Variants in DYNC1I1 observed in about 807,000 individuals in gnomAD.
DYNC1I1 encodes the protein cytoplasmic dynein 1 intermediate chain 1.
In DYNC1I1, 43 loss-of-function variants were observed where a neutral mutation model predicts 86.6. The ratio of observed to expected loss-of-function variants is 0.50; its 90% CI spans 0.39 to 0.64. The LOEUF (loss-of-function observed/expected upper bound fraction) is 0.64, where lower values mean the gene tolerates loss of function less well. Among genes scored for constraint, DYNC1I1 ranks in the 30% least tolerant of loss-of-function variants. The probability of loss-of-function intolerance (pLI) is 0.00; values close to 1 mark genes in which losing one functional copy is unlikely to be tolerated. For synonymous variants in DYNC1I1, 262 were observed against 283.7 expected (o/e 0.92, Z 0.77); for missense variants, 604 against 788.8 (o/e 0.77, Z 2.81).
At chr7:96,025,462 G>A (rs1794655191) in intron 10 of DYNC1I1, among the ~76,000 whole-genome samples, 1 of 151,986 alleles carries the variant, frequency 6.6e-6, no homozygotes, top group Admixed American at 6.6e-5. Context: ...ATTTATCATG[G>A]TTATATTGTA....
intron 5 of DYNC1I1, among the ~76,000 whole-genome samples, chr7:95,846,631 G>GTGTGTGTGTGTGTGTGTGTGTGTGTGTT (rs1789439633): frequency 7.1e-6 from 1 of 141,358 alleles, no homozygotes; most frequent in African/African-American, 3.0e-5. Flanking sequence ...CTCTCTCTGT[G>GTGTGTGTGTGTGTGTGTGTGTGTGTGTT]TGTGTGTGTG....
intron 5 of DYNC1I1, among the ~76,000 whole-genome samples, chr7:95,849,793 G>A (rs778257281): frequency 5.9e-5 from 9 of 152,124 alleles, no homozygotes; most frequent in African/African-American, 2.2e-4. Context: ...CATAGAATTT[G>A]TAGGTCACTT....
At chr7:95,804,698 C>A in intron 1 of DYNC1I1, 23 bp from the exon 2 acceptor site, 1 of 1,534,090 alleles carries the variant, frequency 6.5e-7, no homozygotes, top group South Asian at 1.3e-5. Context: ...TATATGTTCA[C>A]TTTTTTTTTC....
At chr7:95,846,143 T>A (rs1789418287) in intron 5 of DYNC1I1, among the ~76,000 whole-genome samples, 1 of 152,168 alleles carries the variant, frequency 6.6e-6, no homozygotes. Flanking sequence ...TCCTATATAA[T>A]TTTTAATATA....
chr7:96,006,269 C>T (rs564463404), intron 10 of DYNC1I1, among the ~76,000 whole-genome samples: 40 of 152,164 alleles, frequency 2.6e-4, no homozygotes, highest in African/African-American at 8.7e-4. Flanking sequence ...GGGGAAGATG[C>T]GAGCATTCGA....
At chr7:96,058,799 A>AGT (rs1789662531) in intron 14 of DYNC1I1, among the ~76,000 whole-genome samples, 1 of 97,344 alleles carries the variant, frequency 1.0e-5, no homozygotes, top group African/African-American at 4.5e-5. Context: ...ATGCCTGGCT[A>AGT]ATTTTTTTTT....
At chr7:95,944,609 G>A (rs1792341590) in intron 6 of DYNC1I1, among the ~76,000 whole-genome samples, 1 of 152,068 alleles carries the variant, frequency 6.6e-6, no homozygotes, top group South Asian at 2.1e-4. Flanking sequence ...GAATAGCAAA[G>A]ACTTGGAACC....
At chr7:96,062,447 C>G (rs1370785473) in intron 14 of DYNC1I1, among the ~76,000 whole-genome samples, 24 of 149,738 alleles carry the variant, frequency 1.6e-4, no homozygotes, top group Non-Finnish European at 3.0e-5. Context: ...TTTTTTCTCT[C>G]TAAACAATGG....
downstream of DYNC1I1, chr7:96,098,436 G>A (rs770657931): frequency 3.0e-6 from 3 of 984,786 alleles, no homozygotes; most frequent in Non-Finnish European, 3.6e-6. Flanking sequence ...GTCTGCACCA[G>A]TGTGAGTAAA....
intron 12 of DYNC1I1, among the ~76,000 whole-genome samples, chr7:96,034,841 AC>A (rs1225178488): frequency 6.6e-6 from 1 of 152,204 alleles, no homozygotes; most frequent in Non-Finnish European, 1.5e-5. Context: ...ATGATATGAT[AC>A]CTCAGAATGA....
At chr7:95,899,733 A>C (rs1414640737) in intron 6 of DYNC1I1, among the ~76,000 whole-genome samples, 1 of 152,190 alleles carries the variant, frequency 6.6e-6, no homozygotes, top group Non-Finnish European at 1.5e-5. Context: ...CAATGTTTCT[A>C]GCATGTTAGG....
chr7:96,009,573 A>C (rs1794222613), intron 10 of DYNC1I1, among the ~76,000 whole-genome samples: 1 of 152,156 alleles, frequency 6.6e-6, no homozygotes, highest in Admixed American at 6.5e-5. Flanking sequence ...CACAGGCTGG[A>C]TACTCCACTT....
intron 7 of DYNC1I1, among the ~76,000 whole-genome samples, chr7:95,980,536 C>CT (rs56835338): frequency 0.026 from 1,411 of 54,458 alleles, 138 homozygotes; most frequent in Middle Eastern, 0.047. Context: ...AGAAATCTGG[C>CT]TTTTTTTTTT....
chr7:95,943,165 T>G (rs1204414685), intron 6 of DYNC1I1, among the ~76,000 whole-genome samples: 3 of 150,428 alleles, frequency 2.0e-5, no homozygotes, highest in African/African-American at 4.9e-5. Flanking sequence ...GATAAGCAAC[T>G]TCAGCAAAGT....
At position 96,098,057 on chromosome 7, in the gene DYNC1I1, A is replaced by C. The variant is rs1791068693; in HGVS notation, c.*464A>C. 3 of 989,210 alleles carry C rather than the reference A, an allele frequency of 3.0e-6. No homozygotes were observed. In the African/African-American group the frequency reaches 5.2e-5, roughly 17 times the overall value. 61.3% of individuals were successfully genotyped at this position (989,210 alleles called of 1,614,324 possible). A position where few individuals can be genotyped will look rare whatever the true frequency, so the allele number is the denominator to read the frequency against. ...GGTGACTCACATTATGAATGGATTT[A>C]CTAGAAGAACATTGCTGCTCCTTAT... On this transcript the variant is annotated 3_prime_UTR_variant, in exon 17 of 17. Transcript: ENST00000447467.
chr7:95,992,580 C>T (rs531496333), intron 9 of DYNC1I1, among the ~76,000 whole-genome samples: 3 of 152,100 alleles, frequency 2.0e-5, no homozygotes, highest in East Asian at 1.9e-4. Flanking sequence ...TGGTTCATAA[C>T]GGGCACTTAA....
chr7:95,948,815 G>A (rs769287416), intron 6 of DYNC1I1, among the ~76,000 whole-genome samples: 12 of 152,182 alleles, frequency 7.9e-5, no homozygotes, highest in Admixed American at 5.9e-4. Context: ...GGAATGAATA[G>A]GAGTGCTGAG....
intron 12 of DYNC1I1, among the ~76,000 whole-genome samples, chr7:96,033,547 C>G (rs988087149): frequency 1.3e-5 from 2 of 152,110 alleles, no homozygotes; most frequent in African/African-American, 2.4e-5. Context: ...CCAAAAACAA[C>G]AGAGAAGTCA....
At chr7:95,956,572 C>T (rs905942189) in intron 6 of DYNC1I1, among the ~76,000 whole-genome samples, 7 of 151,896 alleles carry the variant, frequency 4.6e-5, no homozygotes, top group African/African-American at 1.7e-4. Context: ...GTGATGTTCC[C>T]CTCCCTGTGT....
Sources: gnomAD v4.1 joint callset for allele counts (sites outside exome capture counted in the v4.1 genomes callset) on GRCh38, gnomAD v4.1.1 for gene constraint, MANE v1.5 for transcripts, NCBI Gene and HGNC (gene_info 2026-07-23, HGNC 2026-07-21) for gene names.